SLIT3: variants seen among roughly 807,000 people sequenced by gnomAD.
The protein encoded by SLIT3 is slit guidance ligand 3, also known as slit homolog 3 protein.
Under a neutral mutation model 184.0 loss-of-function variants are expected in SLIT3, and 68 were observed. That is an observed-to-expected ratio of 0.37 (90% CI 0.30 to 0.45). SLIT3 has a LOEUF of 0.45. Among genes scored for constraint, SLIT3 ranks in the 20% least tolerant of loss-of-function variants. SLIT3 has a pLI of 1.00. For synonymous variants in SLIT3, 831 were observed against 828.6 expected, an observed-to-expected ratio of 1.00 and a Z score of -0.05; for missense variants, 1,707 against 2,026.0, an observed-to-expected ratio of 0.84 and a Z score of 3.02.
chr5:168,746,938 TG>T (rs1754484291), intron 20 of SLIT3, among the ~76,000 whole-genome samples: 1 of 118,504 alleles, frequency 8.4e-6, no homozygotes, highest in African/African-American at 3.3e-5. Flanking sequence ...GTGTGTGGTG[TG>T]TGAGTGTGGT....
At chr5:168,671,599 T>G (rs1433645721) in intron 33 of SLIT3, 116 bp from the exon 34 acceptor site, 2 of 1,213,978 alleles carry the variant, frequency 1.6e-6, no homozygotes, top group Non-Finnish European at 2.3e-6. Context: ...CCTCTGCTGT[T>G]CAAACGAGGT....
intron 4 of SLIT3, among the ~76,000 whole-genome samples, chr5:168,907,952 A>G (rs1018118601): frequency 4.5e-5 from 2 of 44,942 alleles, no homozygotes; most frequent in South Asian, 1.0e-3. Context: ...GTGTATATAT[A>G]TATATATATA....
intron 12 of SLIT3, among the ~76,000 whole-genome samples, chr5:168,776,232 G>A (rs1330342782): frequency 2.6e-5 from 4 of 152,202 alleles, no homozygotes; most frequent in East Asian, 3.9e-4. Context: ...TTAGCTGCGG[G>A]CCTCATACTC....
chr5:168,892,178 AAT>A (rs1197852354), intron 4 of SLIT3, among the ~76,000 whole-genome samples: 1 of 152,274 alleles, frequency 6.6e-6, no homozygotes, highest in African/African-American at 2.4e-5. Flanking sequence ...AATTAATTTT[AAT>A]ATGATATTTA....
At chr5:169,065,991 G>A (rs138181378) in intron 4 of SLIT3, among the ~76,000 whole-genome samples, 2 of 152,190 alleles carry the variant, frequency 1.3e-5, no homozygotes, top group Admixed American at 1.3e-4. Context: ...TGCAAGGCAG[G>A]TGTCATTCCA....
At chr5:169,230,112 C>A (rs577707637) in intron 3 of SLIT3, among the ~76,000 whole-genome samples, 1 of 152,194 alleles carries the variant, frequency 6.6e-6, no homozygotes, top group Admixed American at 6.5e-5. Flanking sequence ...AGGAGCTATA[C>A]CTGTCAATCA....
chr5:169,250,564 A>G (rs1765739272), intron 2 of SLIT3, among the ~76,000 whole-genome samples: 1 of 152,202 alleles, frequency 6.6e-6, no homozygotes, highest in Non-Finnish European at 1.5e-5. Flanking sequence ...TAGGGCTATT[A>G]GTAAAAAGAA....
chr5:168,986,237 CA>C, intron 4 of SLIT3, among the ~76,000 whole-genome samples: 1 of 152,192 alleles, frequency 6.6e-6, no homozygotes, highest in African/African-American at 2.4e-5. Flanking sequence ...TGACGTAGGG[CA>C]AAAATCACGA....
chr5:169,131,543 CT>C (rs1345158402), intron 4 of SLIT3, among the ~76,000 whole-genome samples: 1 of 152,204 alleles, frequency 6.6e-6, no homozygotes, highest in African/African-American at 2.4e-5. Context: ...GTTTCTTTAT[CT>C]TTTAAAATAT....
intron 4 of SLIT3, among the ~76,000 whole-genome samples, chr5:168,892,821 G>A (rs923074962): frequency 1.3e-5 from 2 of 152,198 alleles, no homozygotes; most frequent in African/African-American, 4.8e-5. Flanking sequence ...TGGGACAGAG[G>A]CTGAGCTTCT....
chr5:169,192,290 G>T (rs1356137744), intron 4 of SLIT3, among the ~76,000 whole-genome samples: 1 of 152,164 alleles, frequency 6.6e-6, no homozygotes, highest in African/African-American at 2.4e-5. Flanking sequence ...CACAGCAAGA[G>T]GAGACCTGAC....
intron 26 of SLIT3, among the ~76,000 whole-genome samples, chr5:168,702,709 G>C (rs887705687): frequency 6.6e-6 from 1 of 152,102 alleles, no homozygotes; most frequent in Admixed American, 6.5e-5. Context: ...TGATGATGAT[G>C]ATGATGCTTG....
intron 4 of SLIT3, among the ~76,000 whole-genome samples, chr5:168,944,434 T>C (rs1007662987): frequency 6.6e-6 from 1 of 152,188 alleles, no homozygotes; most frequent in Non-Finnish European, 1.5e-5. Context: ...CTCTGCACCA[T>C]GGGGAAGAAC....
intron 2 of SLIT3, among the ~76,000 whole-genome samples, chr5:169,246,223 G>A (rs1413580688): frequency 1.3e-5 from 2 of 152,094 alleles, no homozygotes; most frequent in Non-Finnish European, 2.9e-5. Flanking sequence ...GTCAGGCGAG[G>A]GTCCCCAGCC....
At chr5:168,958,763 T>G (rs1249287611) in intron 4 of SLIT3, among the ~76,000 whole-genome samples, 1 of 152,242 alleles carries the variant, frequency 6.6e-6, no homozygotes, top group Non-Finnish European at 1.5e-5. Context: ...ATGGTTTGTG[T>G]GTGCTGTGGT....
At chr5:169,098,296 A>G (rs1235712216) in intron 4 of SLIT3, among the ~76,000 whole-genome samples, 1 of 152,120 alleles carries the variant, frequency 6.6e-6, no homozygotes, top group Non-Finnish European at 1.5e-5. Context: ...CCACACCCAA[A>G]TCACACACGT....
chr5:168,713,863 A>G (rs750037947), intron 23 of SLIT3, among the ~76,000 whole-genome samples: 6 of 152,176 alleles, frequency 3.9e-5, no homozygotes, highest in Non-Finnish European at 5.9e-5. Flanking sequence ...ATTTCTGACA[A>G]ACTCTGAGGT....
intron 10 of SLIT3, among the ~76,000 whole-genome samples, chr5:168,793,737 C>T (rs1756466725): frequency 6.6e-6 from 1 of 151,404 alleles, no homozygotes; most frequent in Non-Finnish European, 1.5e-5. Context: ...AGTGACTGAA[C>T]TTGTCATTTT....
intron 5 of SLIT3, among the ~76,000 whole-genome samples, chr5:168,862,660 T>C (rs1317989086): frequency 6.9e-6 from 1 of 145,616 alleles, no homozygotes; most frequent in Non-Finnish European, 1.5e-5. Flanking sequence ...CATTGGTTTT[T>C]TTGTTTGTTT....
Sources: gnomAD v4.1 joint callset for allele counts (sites outside exome capture counted in the v4.1 genomes callset) on GRCh38, gnomAD v4.1.1 for gene constraint, MANE v1.5 for transcripts, NCBI Gene and HGNC (gene_info 2026-07-23, HGNC 2026-07-21) for gene names.